The following HUWE1 variants were observed in gnomAD, a reference collection of about 807,000 sequenced individuals.
HUWE1 encodes the protein HECT, UBA and WWE domain containing E3 ubiquitin protein ligase 1.
HUWE1 carries 18 observed loss-of-function variants against 299.4 expected under a neutral mutation model. The ratio of observed to expected loss-of-function variants is 0.06; its 90% CI spans 0.04 to 0.09. The LOEUF is 0.09. Among genes scored for constraint, HUWE1 ranks in the 10% least tolerant of loss-of-function variants. The pLI is 1.00. For missense variants in HUWE1, 1,832 were observed against 3,462.3 expected (o/e 0.53, Z 11.82); for synonymous variants, 1,317 against 1,286.1 (o/e 1.02, Z -0.51).
chrX:53,579,133 G>A (rs1407432184), intron 43 of HUWE1, among the ~76,000 whole-genome samples: 1 of 80,429 alleles, frequency 1.2e-5, no homozygotes, highest in African/African-American at 4.9e-5. Flanking sequence ...GCCTCTGCCC[G>A]GCCGCCCCTA....
intron 43 of HUWE1, among the ~76,000 whole-genome samples, chrX:53,578,684 A>G (rs1401109138): frequency 9.1e-4 from 46 of 50,661 alleles, no homozygotes; most frequent in East Asian, 1.5e-3. Flanking sequence ...AGGTGGGGGG[A>G]TCAGCCCCCC....
intron 25 of HUWE1, among the ~76,000 whole-genome samples, chrX:53,606,309 T>G (rs917466644): frequency 1.8e-5 from 2 of 112,237 alleles, no homozygotes; most frequent in Non-Finnish European, 1.9e-5. Context: ...TGAATTTGAA[T>G]AGACATTTCT....
At chrX:53,553,371 T>C (rs890468203) in intron 61 of HUWE1, among the ~76,000 whole-genome samples, 2 of 108,356 alleles carry the variant, frequency 1.8e-5, no homozygotes, top group Non-Finnish European at 3.8e-5. Context: ...CTTGAATTCC[T>C]GACCTCATGA....
intron 41 of HUWE1, 99 bp from the exon 42 acceptor site, chrX:53,584,015 T>C: frequency 2.4e-6 from 2 of 838,106 alleles, no homozygotes; most frequent in African/African-American, 4.0e-5. Context: ...TTGGGTCCTA[T>C]TAAGAGAAGC....
chrX:53,616,502 A>G (rs2065808203), intron 21 of HUWE1, among the ~76,000 whole-genome samples: 3 of 112,027 alleles, frequency 2.7e-5, no homozygotes. Context: ...TGGTGGTTGA[A>G]AAGTACAAAG....
At chrX:53,546,295 C>T (rs1024792773) in intron 70 of HUWE1, 141 bp downstream of exon 70, 86 of 575,273 alleles carry the variant, frequency 1.5e-4, no homozygotes, top group African/African-American at 1.2e-3. Flanking sequence ...ATCTGTGTTA[C>T]GACAGAGGGA....
Position 53,624,693 on chromosome X carries a change from AT to A in HUWE1, c.1592-19del. ...ATCCATCACTAAAAGAAAAGTGAAC[AT>A]TATGGAGAATACGAATAGTCTGGAA... On this transcript the variant is annotated intron_variant, in intron 18 of 83. Transcript: ENST00000262854. 1 of 1,088,731 alleles carries A rather than the reference AT, an allele frequency of 9.2e-7. No individual in the cohort carries two copies. Among genetic ancestry groups the A allele is most frequent in the Non-Finnish European group, 1.3e-6 (1 of 783,808 alleles). 89.7% of individuals were successfully genotyped at this position (1,088,731 alleles called of 1,213,427 possible). A position where few individuals can be genotyped will look rare whatever the true frequency, so the allele number is the denominator to read the frequency against.
intron 24 of HUWE1, 73 bp from the exon 25 acceptor site, chrX:53,607,772 T>C: frequency 3.0e-6 from 2 of 664,204 alleles, no homozygotes; most frequent in Admixed American, 2.6e-5. Flanking sequence ...GGAATAAGGA[T>C]GGGGTAGCCT....
intron 3 of HUWE1, among the ~76,000 whole-genome samples, chrX:53,655,302 G>A (rs2068692440): frequency 9.1e-6 from 1 of 109,662 alleles, no homozygotes; most frequent in South Asian, 4.1e-4. Context: ...GCAGCTTTTT[G>A]CCTAGATTTA....
chrX:53,603,860 G>GT (rs2065017954), intron 26 of HUWE1, among the ~76,000 whole-genome samples: 1 of 112,068 alleles, frequency 8.9e-6, no homozygotes, highest in Non-Finnish European at 1.9e-5. Context: ...CTTTACTTCA[G>GT]TAAGTACCTA....
Position 53,544,769 on chromosome X carries a change from A to T in HUWE1, c.11049-7T>A, listed in dbSNP as rs1235297307. The T allele has an allele frequency of 8.5e-7, 1 of 1,180,663 alleles. No individual in the cohort carries two copies. ...ATTCTCAGCCATGTCAAACCTGGAT[A>T]GTGTAGAGGTGGCTTGCGTATATTG... On this transcript the variant is annotated splice_polypyrimidine_tract_variant and splice_region_variant and intron_variant, in intron 71 of 83. Coordinates refer to ENST00000262854, the MANE Select transcript of HUWE1 (RefSeq NM_031407.7).
At chrX:53,547,622 G>A in intron 68 of HUWE1, 51 bp downstream of exon 68, 2 of 1,198,062 alleles carry the variant, frequency 1.7e-6, no homozygotes, top group East Asian at 6.0e-5. Flanking sequence ...AGGGGGTGAA[G>A]TGGGTGCCAC....
intron 76 of HUWE1, 134 bp downstream of exon 76, chrX:53,538,701 C>CAA: frequency 2.5e-6 from 1 of 396,124 alleles, no homozygotes; most frequent in Admixed American, 3.7e-5. Flanking sequence ...TGTATGTACA[C>CAA]ACACACACAC....
rs139152809 is a variant in HUWE1 at position 53,616,974 on chromosome X, G to A, written c.1953C>T (p.Pro651=). 8.3e-7 allele frequency: 1 copy of A among 1,205,359 alleles called. No homozygotes were observed. The highest frequency in any genetic ancestry group is 1.1e-6 in the Non-Finnish European group (1 of 890,301). Reference sequence around the variant, plus strand: ...AAATAAATCTTAACAACTTACCAAGGGGATCAGAACTTCTCCTCCTCCGCA... The same window carrying A: ...AAATAAATCTTAACAACTTACCAAGAGGATCAGAACTTCTCCTCCTCCGCA... ...PAMRRRRSSD[P]LGDTASNLGS... The change falls in exon 21 of 84, where the codon CCC becomes CCT. Residue 651 remains proline, a synonymous_variant. Coordinates refer to ENST00000262854, the MANE Select transcript of HUWE1 (RefSeq NM_031407.7).
Position 53,552,664 on chromosome X carries a change from C to A in HUWE1, c.8724G>T (p.Gly2908=). ...AEVQGRSDGS[G]ESAQPPEDSS... is the part of the protein sequence containing the mutation. The stretch of plus-strand genomic sequence containing the variant: ...TGTCCTCAGGTGGCTGGGCAGATTC[C>A]CCTGACCCATCACTCCTGCCTTGCA... Residue 2908 remains glycine (G), a synonymous_variant, in exon 62 of 84, where the codon GGG becomes GGT. Transcript: ENST00000262854. The A allele has an allele frequency of 8.3e-7, 1 of 1,211,871 alleles. No homozygotes were observed. The highest frequency in any genetic ancestry group is 1.1e-6 in the Non-Finnish European group (1 of 895,570).
At chrX:53,632,623 T>C (rs1050214130) in intron 8 of HUWE1, 59 bp from the exon 9 acceptor site, 3 of 857,121 alleles carry the variant, frequency 3.5e-6, no homozygotes, top group Non-Finnish European at 3.5e-6. Flanking sequence ...ATAAACATTA[T>C]CCCCCACATC....
intron 33 of HUWE1, 83 bp from the exon 34 acceptor site, chrX:53,591,205 A>G: frequency 9.1e-7 from 1 of 1,094,910 alleles, no homozygotes; most frequent in Non-Finnish European, 1.2e-6. Context: ...TTCAAGATGG[A>G]AATAACTTTT....
intron 3 of HUWE1, among the ~76,000 whole-genome samples, chrX:53,672,503 C>T (rs1425161649): frequency 3.6e-5 from 4 of 110,797 alleles, no homozygotes; most frequent in East Asian, 5.6e-4. Context: ...AAATGATCCA[C>T]CCACCTTGGC....
intron 28 of HUWE1, among the ~76,000 whole-genome samples, chrX:53,600,784 T>A (rs782515416): frequency 2.6e-4 from 29 of 112,970 alleles, no homozygotes; most frequent in Non-Finnish European, 5.1e-4. Context: ...CTCTTAGATC[T>A]AAGAATGAGC....
Sources: gnomAD v4.1 joint callset for allele counts (sites outside exome capture counted in the v4.1 genomes callset) on GRCh38, gnomAD v4.1.1 for gene constraint, MANE v1.5 for transcripts, NCBI Gene and HGNC (gene_info 2026-07-23, HGNC 2026-07-21) for gene names.